Variants in TEAD2 observed in about 807,000 individuals in gnomAD.
TEAD2 encodes TEA domain transcription factor 2, also known as transcriptional enhancer factor TEF-4.
TEAD2 carries 51 observed loss-of-function variants against 61.4 expected under a neutral mutation model. That is an observed-to-expected ratio of 0.83 (90% CI 0.66 to 1.05). TEAD2 has a LOEUF of 1.05. Among genes scored for constraint, TEAD2 ranks in the 50% least tolerant of loss-of-function variants. TEAD2 has a pLI of 0.00. For synonymous variants in TEAD2, 244 were observed against 243.2 expected, an observed-to-expected ratio of 1.00 and a Z score of -0.03; for missense variants, 509 against 600.0, an observed-to-expected ratio of 0.85 and a Z score of 1.58.
Position 49,351,370 on chromosome 19 carries a change from G to A in TEAD2, c.540-5C>T, listed in dbSNP as rs1022324706. The A allele has an allele frequency of 8.1e-6, 13 of 1,607,860 alleles. No individual in the cohort carries two copies. In the African/African-American group the frequency reaches 9.4e-5, roughly 12 times the overall value. On this transcript the variant is annotated splice_region_variant and splice_polypyrimidine_tract_variant and intron_variant, in intron 7 of 12. Transcript: ENST00000593945. ...GTCTGTGAGAATGGCTTCACACTGA[G>A]GGAAAAAGGAAGCCAGGGGTTAGCC... is the stretch of plus-strand genomic sequence containing the variant.
chr19:49,358,757 C>T (rs969529176), intron 3 of TEAD2, among the ~76,000 whole-genome samples: 2 of 151,532 alleles, frequency 1.3e-5, no homozygotes, highest in Admixed American at 6.6e-5. Flanking sequence ...CTCAGCCTCC[C>T]GAGTAGCTGG....
At chr19:49,351,529 T>C (rs964688383) in intron 7 of TEAD2, among the ~76,000 whole-genome samples, 164 bp from the exon 8 acceptor site, 1 of 152,178 alleles carries the variant, frequency 6.6e-6, no homozygotes, top group Non-Finnish European at 1.5e-5. Context: ...CTCTTTTCAT[T>C]GCACAAATGA....
intron 10 of TEAD2, among the ~76,000 whole-genome samples, chr19:49,345,805 G>A (rs868008865): frequency 6.6e-6 from 1 of 152,064 alleles, no homozygotes; most frequent in Non-Finnish European, 1.5e-5. Flanking sequence ...AAGGTGGGTG[G>A]ATCACTTGAG....
Position 49,348,753 on chromosome 19 carries a change from G to A in TEAD2, c.697C>T (p.Gln233Ter). 6.2e-7 allele frequency: 1 copy of A among 1,614,008 alleles called. No homozygotes were observed. The highest frequency in any genetic ancestry group is 8.5e-7 in the Non-Finnish European group (1 of 1,179,956). ...ACGAAGGCTGAGAACTCTACCAGCT[G>A]CAACCGGGCGGTGCCCAGGCCCCGA... ...QARGLGTARL[Q>*]LVEFSAFVEP... The change falls in exon 9 of 13, where the codon CAG becomes TAG. Residue 233 changes from glutamine (Q) to a stop codon, truncating the protein, a stop_gained. Coordinates refer to ENST00000593945, the MANE Select transcript of TEAD2 (RefSeq NM_001256660.2). LOFTEE classifies it high-confidence loss of function.
chr19:49,347,352 G>C lies in TEAD2; in HGVS notation c.759C>G (p.His253Gln). The change falls in exon 10 of 13, where the codon CAC becomes CAG. Residue 253 changes from histidine to glutamine, a missense_variant. Coordinates refer to ENST00000593945, the MANE Select transcript of TEAD2 (RefSeq NM_001256660.2). ...PPDAVDSYQR[H>Q]LFVHISQHCP... ...AGTGCTGGCTGATGTGCACGAACAG[G>C]TGCCTCTGGTACTGAGGAGGGTTGG... is the stretch of plus-strand genomic sequence containing the variant. 1 of 1,609,982 alleles carries C rather than the reference G, an allele frequency of 6.2e-7. No individual in the cohort carries two copies. Among genetic ancestry groups the C allele is most frequent in the Non-Finnish European group, 8.5e-7 (1 of 1,179,876 alleles).
At chr19:49,358,454 G>T (rs183511448) in intron 3 of TEAD2, among the ~76,000 whole-genome samples, 26 of 152,118 alleles carry the variant, frequency 1.7e-4, no homozygotes, top group African/African-American at 6.3e-4. Context: ...TTTAAAAAGA[G>T]TCTGGGACCT....
intron 8 of TEAD2, among the ~76,000 whole-genome samples, chr19:49,349,876 G>T (rs1429028797): frequency 6.6e-6 from 1 of 152,156 alleles, no homozygotes; most frequent in South Asian, 2.1e-4. Flanking sequence ...GCCATCTTGG[G>T]ACAATAAGAC....
rs924471063 is a variant in TEAD2, at chr19:49,362,335, C to G, written c.-9G>C. 6.6e-6 allele frequency: 1 copy of G among 152,308 alleles called. No individual in the cohort carries two copies. The highest frequency in any genetic ancestry group is 2.4e-5 in the African/African-American group (1 of 41,460). The allele number at this position is 152,308 out of a possible 1,614,324, so 9.4% of individuals were successfully genotyped here. ...ACTCCCCACCCCAACTCACACACCC[C>G]AAAGCAGGATCCCCGACTCCCGCCG... On this transcript the variant is annotated splice_region_variant and 5_prime_UTR_variant, in exon 1 of 13. Coordinates refer to ENST00000593945, the MANE Select transcript of TEAD2 (RefSeq NM_001256660.2).
rs767309248 is a variant in TEAD2 at position 49,343,327 on chromosome 19, G to A, written c.993C>T (p.Tyr331=). ...GGCTCTCATACTGGCTGCTCACTCCGTAGAAGCCACCACTGCTGATGCTGC... is the reference window on the plus strand; with the variant it reads ...GGCTCTCATACTGGCTGCTCACTCCATAGAAGCCACCACTGCTGATGCTGC... The part of the protein sequence containing the change: ...AGGSISSGGF[Y]GVSSQYESLE... Residue 331 remains tyrosine, a synonymous_variant, in exon 11 of 13, where the codon TAC becomes TAT. Transcript: ENST00000593945. 5.0e-5 allele frequency: 80 copies of A among 1,613,716 alleles called. No individual in the cohort carries two copies. Among genetic ancestry groups the A allele is most frequent in the South Asian group, 7.7e-5 (7 of 91,084 alleles).
At position 49,359,911 on chromosome 19, in the gene TEAD2, C is replaced by T; in HGVS notation, c.165G>A (p.Glu55=). The change falls in exon 2 of 13, where the codon GAG becomes GAA. Residue 55 remains glutamate, a synonymous_variant. Transcript: ENST00000593945. This position sits in a 1 kb window ranked among gnomAD's most constrained non-coding sequence, Gnocchi z 4.1. The stretch of plus-strand genomic sequence containing the variant: ...CGCAGGGTGGATAGATGGCCAGGGC[C>T]TCCTGGAAGCTCTGCTCAATGTCTG... The part of the protein sequence containing the change: ...WSPDIEQSFQ[E]ALAIYPPCGR... 1 of 1,613,368 alleles carries T rather than the reference C, an allele frequency of 6.2e-7. No individual in the cohort carries two copies.
At chr19:49,355,737 C>G (rs995236099) in intron 5 of TEAD2, among the ~76,000 whole-genome samples, 4 of 152,034 alleles carry the variant, frequency 2.6e-5, no homozygotes, top group African/African-American at 9.7e-5. Flanking sequence ...TAGGGCACAA[C>G]AATCACTGGA....
intron 10 of TEAD2, 107 bp downstream of exon 10, chr19:49,347,083 C>T: frequency 1.4e-6 from 2 of 1,445,156 alleles, no homozygotes; most frequent in Non-Finnish European, 1.9e-6. Flanking sequence ...ACTGGTAAGT[C>T]CCAGGCTGAC....
chr19:49,358,711 C>G (rs1042725096), intron 3 of TEAD2, among the ~76,000 whole-genome samples: 10 of 151,264 alleles, frequency 6.6e-5, no homozygotes, highest in Non-Finnish European at 8.8e-5. Flanking sequence ...TGGCTCACTG[C>G]AACCTCCGCC....
Position 49,348,696 on chromosome 19 carries a change from C to T in TEAD2, c.747+7G>A, listed in dbSNP as rs199766479. 1.9e-6 allele frequency: 3 copies of T among 1,613,712 alleles called. No homozygotes were observed. Among genetic ancestry groups the T allele is most frequent in the Non-Finnish European group, 1.7e-6 (2 of 1,179,688 alleles). ...TCCCTCAGCGACTGTACCAAAATTT[C>T]ACTCACAGAATCAACTGCATCTGGC... On this transcript the variant is annotated splice_region_variant and intron_variant, in intron 9 of 12. Transcript: ENST00000593945.
chr19:49,342,670 G>A, intron 11 of TEAD2, 80 bp from the exon 12 acceptor site: 5 of 1,548,452 alleles, frequency 3.2e-6, no homozygotes, highest in Middle Eastern at 4.7e-4. Context: ...TCCACCCTGT[G>A]CCTCTAAGAT....
chr19:49,360,529 A>C (rs1342889865), intron 1 of TEAD2: 1 of 169,702 alleles, frequency 5.9e-6, no homozygotes, highest in African/African-American at 2.4e-5. Context: ...ATTACCCTAG[A>C]GTAATGCCGA....
chr19:49,351,452 A>C, intron 7 of TEAD2, 87 bp from the exon 8 acceptor site: 1 of 1,270,496 alleles, frequency 7.9e-7, no homozygotes, highest in Admixed American at 2.4e-5. Context: ...ACAACAAGCA[A>C]GACCCTGTGC....
Position 49,341,384 on chromosome 19 carries a change from G to T in TEAD2, c.1296C>A (p.Phe432Leu). 1 of 1,614,078 alleles carries T rather than the reference G, an allele frequency of 6.2e-7. No homozygotes were observed. ...QELLLCTAYV[F>L]EVSTSERGAQ... ...CCCCACGCTCGCTGGTGGAGACCTCGAAGACATAGGCGGTGCAGAGCAGCA... is the reference window on the plus strand; with the variant it reads ...CCCCACGCTCGCTGGTGGAGACCTCTAAGACATAGGCGGTGCAGAGCAGCA... The change falls in exon 13 of 13, where the codon TTC (phenylalanine) becomes TTA (leucine). Residue 432 changes from phenylalanine (F) to leucine (L), a missense_variant. Coordinates refer to ENST00000593945, the MANE Select transcript of TEAD2 (RefSeq NM_001256660.2). This position sits in a 1 kb window ranked among gnomAD's most constrained non-coding sequence, Gnocchi z 4.2.
intron 11 of TEAD2, 129 bp from the exon 12 acceptor site, chr19:49,342,719 AC>A: frequency 8.6e-7 from 1 of 1,156,616 alleles, no homozygotes; most frequent in Non-Finnish European, 1.2e-6. Context: ...TCCTTTCATC[AC>A]CCCACCCACA....
Sources: allele counts gnomAD v4.1 joint callset (sites outside exome capture counted in the v4.1 genomes callset), GRCh38; gene constraint gnomAD v4.1.1; non-coding constraint Gnocchi (gnomAD v3.1); transcripts MANE v1.5; gene names NCBI Gene and HGNC (gene_info 2026-07-23, HGNC 2026-07-21).